Variants in NTM observed in about 807,000 individuals in gnomAD.
NTM encodes the protein neurotrimin, also known as IgLON family member 2.
NTM carries 13 observed loss-of-function variants against 42.1 expected under a neutral mutation model. The observed-to-expected ratio is 0.31, with a 90% CI of 0.20 to 0.49. NTM has a LOEUF of 0.49. NTM is among the 20% of genes least tolerant of loss of function. The probability of loss-of-function intolerance (pLI) is 0.99; values close to 1 mark genes in which losing one functional copy is unlikely to be tolerated. For synonymous variants in NTM, 187 were observed against 179.2 expected, an observed-to-expected ratio of 1.04 and a Z score of -0.35; for missense variants, 373 against 452.8, an observed-to-expected ratio of 0.82 and a Z score of 1.60.
intron 1 of NTM, among the ~76,000 whole-genome samples, chr11:131,549,670 T>C (rs1216756569): frequency 6.6e-6 from 1 of 152,218 alleles, no homozygotes; most frequent in Non-Finnish European, 1.5e-5. Flanking sequence ...TTGCCCCATG[T>C]GTTCAGGTGT....
Position 131,873,754 on chromosome 11 carries a change from A to G in NTM, c.83-37810A>G, listed in dbSNP as rs2048144876. On this transcript the variant is annotated intron_variant, in intron 1 of 8. Transcript: ENST00000683400. Reference sequence around the variant, plus strand: ...TATATATATCAGCTGATACATATATATCAGAATGGCGATCATTAAAAAGTC... The same window carrying G: ...TATATATATCAGCTGATACATATATGTCAGAATGGCGATCATTAAAAAGTC... 3.5e-5 allele frequency among the ~76,000 whole-genome samples: 5 copies of G among 144,212 alleles called. No homozygotes were observed. The South Asian group carries it at 1.1e-3, about 31-fold the overall frequency. 94.6% of individuals were successfully genotyped at this position (144,212 alleles called of 152,430 possible).
intron 3 of NTM, among the ~76,000 whole-genome samples, chr11:132,166,428 A>G (rs1014544983): frequency 6.6e-6 from 1 of 152,168 alleles, no homozygotes; most frequent in Non-Finnish European, 1.5e-5. Context: ...ATTCTAAACT[A>G]CAAGGCTTAT....
intron 2 of NTM, among the ~76,000 whole-genome samples, chr11:132,043,786 G>A (rs1478874187): frequency 6.6e-6 from 1 of 152,190 alleles, no homozygotes; most frequent in Admixed American, 6.5e-5. Flanking sequence ...GGAGGGGAGA[G>A]GAGAGAGGTA....
chr11:131,795,953 A>T, intron 1 of NTM: 1 of 982,162 alleles, frequency 1.0e-6, no homozygotes, highest in African/African-American at 1.7e-5. Flanking sequence ...AGTGGTTAGG[A>T]TATTCCAGAT....
chr11:131,986,631 C>T (rs1246732393), intron 2 of NTM, among the ~76,000 whole-genome samples: 1 of 152,172 alleles, frequency 6.6e-6, no homozygotes, highest in African/African-American at 2.4e-5. Context: ...ATCTTATACT[C>T]CTATTTTAAC....
At chr11:131,582,804 A>G (rs2058530631) in intron 1 of NTM, among the ~76,000 whole-genome samples, 1 of 152,086 alleles carries the variant, frequency 6.6e-6, no homozygotes, top group African/African-American at 2.4e-5. Context: ...CCACCAAAAA[A>G]ACCCAGCCCC....
At chr11:131,658,131 T>A (rs1443459792) in intron 1 of NTM, among the ~76,000 whole-genome samples, 6 of 152,122 alleles carry the variant, frequency 3.9e-5, no homozygotes, top group African/African-American at 1.4e-4. Flanking sequence ...TTCCATTAAG[T>A]TTTCAGTCTC....
intron 2 of NTM, among the ~76,000 whole-genome samples, chr11:131,960,383 T>G (rs936526653): frequency 6.6e-5 from 10 of 152,328 alleles, no homozygotes; most frequent in Middle Eastern, 3.4e-3. Flanking sequence ...TTTGAGGGAC[T>G]TCCTGCCCTG....
chr11:131,784,203 G>T (rs556784961), intron 1 of NTM, among the ~76,000 whole-genome samples: 105 of 152,240 alleles, frequency 6.9e-4, no homozygotes, highest in African/African-American at 2.4e-3. Context: ...TGTCAAAATT[G>T]TACAACCATT....
intron 3 of NTM, among the ~76,000 whole-genome samples, chr11:132,163,254 C>T (rs1407917135): frequency 6.6e-6 from 1 of 152,176 alleles, no homozygotes; most frequent in Non-Finnish European, 1.5e-5. Flanking sequence ...GAGGCCTCTT[C>T]TGCTCCAGGC....
intron 2 of NTM, among the ~76,000 whole-genome samples, chr11:132,012,240 A>G (rs1000802834): frequency 6.6e-6 from 1 of 152,234 alleles, no homozygotes; most frequent in African/African-American, 2.4e-5. Context: ...TCAGTGTTAA[A>G]TTGTGTGGTT....
chr11:131,417,515 A>G (rs778009671), intron 1 of NTM, among the ~76,000 whole-genome samples: 2 of 152,194 alleles, frequency 1.3e-5, no homozygotes, highest in Non-Finnish European at 2.9e-5. Context: ...TCTAGCCCTT[A>G]GTTCTGACCT....
intron 2 of NTM, among the ~76,000 whole-genome samples, chr11:132,005,267 G>A (rs774004753): frequency 6.6e-6 from 1 of 152,196 alleles, no homozygotes; most frequent in African/African-American, 2.4e-5. Flanking sequence ...GGTTTAGATG[G>A]TGTCAGAAAG....
At chr11:131,933,271 A>G (rs899135827) in intron 2 of NTM, among the ~76,000 whole-genome samples, 2 of 152,126 alleles carry the variant, frequency 1.3e-5, no homozygotes, top group Admixed American at 6.5e-5. Context: ...TGCCTGCCCT[A>G]GAGACCTCAC....
At chr11:131,385,571 G>A (rs1300180539) in intron 1 of NTM, among the ~76,000 whole-genome samples, 1 of 152,216 alleles carries the variant, frequency 6.6e-6, no homozygotes, top group Non-Finnish European at 1.5e-5. Flanking sequence ...AAGCTAAACA[G>A]GCTGGGCTCA....
intron 2 of NTM, among the ~76,000 whole-genome samples, chr11:131,972,471 AT>A (rs2063700683): frequency 6.6e-6 from 1 of 152,202 alleles, no homozygotes; most frequent in African/African-American, 2.4e-5. Context: ...ATAATAAAAA[AT>A]AATCTTAATG....
chr11:132,163,573 A>G (rs2074763252), intron 3 of NTM, among the ~76,000 whole-genome samples: 2 of 152,198 alleles, frequency 1.3e-5, no homozygotes, highest in African/African-American at 2.4e-5. Flanking sequence ...AACCCAAGGA[A>G]GGTTGCACAT....
intron 1 of NTM, among the ~76,000 whole-genome samples, chr11:131,402,888 T>C (rs1945398277): frequency 6.6e-6 from 1 of 152,158 alleles, no homozygotes; most frequent in Non-Finnish European, 1.5e-5. Flanking sequence ...GGTAATGGTG[T>C]TGTCCAGAAG....
At chr11:131,886,101 G>A (rs1038343689) in intron 1 of NTM, among the ~76,000 whole-genome samples, 4 of 152,080 alleles carry the variant, frequency 2.6e-5, no homozygotes, top group South Asian at 2.1e-4. Flanking sequence ...CAACCTTGCC[G>A]TTCTCTGAGG....
Sources: gnomAD v4.1 joint callset for allele counts (sites outside exome capture counted in the v4.1 genomes callset) on GRCh38, gnomAD v4.1.1 for gene constraint, MANE v1.5 for transcripts, NCBI Gene and HGNC (gene_info 2026-07-23, HGNC 2026-07-21) for gene names.